Variants in NR5A2 observed in about 807,000 individuals in gnomAD.
NR5A2 encodes CYP7A promoter-binding factor.
A neutral mutation model predicts 62.7 loss-of-function variants in NR5A2; 26 were observed. The observed-to-expected ratio is 0.41, with a 90% CI of 0.30 to 0.58. The LOEUF (loss-of-function observed/expected upper bound fraction) is 0.58, where lower values mean the gene tolerates loss of function less well. Among genes scored for constraint, NR5A2 ranks in the 20% least tolerant of loss-of-function variants. The probability of loss-of-function intolerance (pLI) is 0.22; values close to 1 mark genes in which losing one functional copy is unlikely to be tolerated. For missense variants in NR5A2, 541 were observed against 669.1 expected (o/e 0.81, Z 2.11); for synonymous variants, 246 against 241.7 (o/e 1.02, Z -0.16).
At chr1:200,125,713 C>G (rs919524499) in intron 7 of NR5A2, among the ~76,000 whole-genome samples, 5 of 152,102 alleles carry the variant, frequency 3.3e-5, no homozygotes, top group African/African-American at 1.2e-4. Context: ...AAAAGGTCAT[C>G]TAAGCAAGTA....
chr1:200,148,889 G>C (rs1387935239), intron 7 of NR5A2, among the ~76,000 whole-genome samples: 1 of 146,078 alleles, frequency 6.8e-6, no homozygotes. Context: ...TCCTAGCCCA[G>C]TCTTTGGCAT....
At chr1:200,112,635 T>A (rs1011642642) in intron 6 of NR5A2, among the ~76,000 whole-genome samples, 4 of 152,224 alleles carry the variant, frequency 2.6e-5, no homozygotes, top group African/African-American at 9.6e-5. Context: ...TTCAAGCATC[T>A]CCATCACTAT....
intron 7 of NR5A2, among the ~76,000 whole-genome samples, chr1:200,122,268 A>G (rs959198513): frequency 6.6e-6 from 1 of 152,196 alleles, no homozygotes; most frequent in African/African-American, 2.4e-5. Context: ...GATAGCAAGC[A>G]TACGCCTGCT....
intron 5 of NR5A2, among the ~76,000 whole-genome samples, chr1:200,106,749 A>C (rs1268032290): frequency 2.6e-5 from 4 of 152,118 alleles, no homozygotes; most frequent in Non-Finnish European, 5.9e-5. Context: ...ACACCCCCAT[A>C]ACTCTGTTTT....
intron 1 of NR5A2, chr1:200,038,864 G>C: frequency 1.2e-6 from 1 of 805,506 alleles, no homozygotes; most frequent in Non-Finnish European, 1.7e-6. Context: ...GCAGGCCGGG[G>C]GACTGGAGCC....
chr1:200,173,943 T>C lies in NR5A2; in HGVS notation c.1379-20T>C. ...AATGCTATTGAAATGTTGCTTTTTT[T>C]TTTTTTTTTTTTAATGCAGATGTCA... On this transcript the variant is annotated intron_variant, in intron 7 of 7. Coordinates refer to ENST00000367362, the MANE Select transcript of NR5A2 (RefSeq NM_205860.3). 1 of 1,263,036 alleles carries C rather than the reference T, an allele frequency of 7.9e-7. No individual in the cohort carries two copies. Among genetic ancestry groups the C allele is most frequent in the Non-Finnish European group, 1.0e-6 (1 of 972,958 alleles). 78.2% of individuals were successfully genotyped at this position (1,263,036 alleles called of 1,614,324 possible).
chr1:200,122,569 A>G (rs1021067672), intron 7 of NR5A2, among the ~76,000 whole-genome samples: 6 of 152,280 alleles, frequency 3.9e-5, no homozygotes, highest in African/African-American at 1.4e-4. Flanking sequence ...TGCTAATACT[A>G]TAAGGAGGGG....
In NR5A2 at chr1:200,039,539, C is replaced by T; in HGVS notation, c.65-119C>T. Reference sequence around the variant, plus strand: ...ACCGGACAGGGCTCAGAGGTCCTGCCCGGCAGCCCCGAGGAGGCGGAGGCA... The same window carrying T: ...ACCGGACAGGGCTCAGAGGTCCTGCTCGGCAGCCCCGAGGAGGCGGAGGCA... On this transcript the variant is annotated intron_variant, in intron 1 of 7. Transcript: ENST00000367362. The surrounding 1 kb of genome is among the most constrained non-coding windows in gnomAD (Gnocchi z 5.1). The T allele has an allele frequency of 6.8e-7, 1 of 1,465,320 alleles. No individual in the cohort carries two copies. The highest frequency in any genetic ancestry group is 9.4e-7 in the Non-Finnish European group (1 of 1,069,000). 90.8% of individuals were successfully genotyped at this position (1,465,320 alleles called of 1,614,324 possible). A position where few individuals can be genotyped will look rare whatever the true frequency, so the allele number is the denominator to read the frequency against.
chr1:200,092,150 A>G (rs1219457660), intron 5 of NR5A2, among the ~76,000 whole-genome samples: 2 of 152,242 alleles, frequency 1.3e-5, no homozygotes, highest in African/African-American at 2.4e-5. Context: ...GCATAGACAC[A>G]TATTCAACAC....
At chr1:200,160,038 A>G (rs930664650) in intron 7 of NR5A2, among the ~76,000 whole-genome samples, 3 of 152,134 alleles carry the variant, frequency 2.0e-5, no homozygotes, top group African/African-American at 2.4e-5. Context: ...ACTGTCATCC[A>G]TGTCCCTTTT....
Position 200,064,320 on chromosome 1 carries a change from C to T in NR5A2, c.1110+15502C>T, listed in dbSNP as rs573281120. Among the ~76,000 whole-genome samples, 19 of 152,286 alleles carry T rather than the reference C, an allele frequency of 1.2e-4. No individual in the cohort carries two copies. In the East Asian group the frequency reaches 2.5e-3, roughly 20 times the overall value. Reference sequence around the variant, plus strand: ...CTTGGTTATGACAGCACACTAATAACCCCAGCCCTGTTTACACCAATGTTT... The same window carrying T: ...CTTGGTTATGACAGCACACTAATAATCCCAGCCCTGTTTACACCAATGTTT... On this transcript the variant is annotated intron_variant, in intron 5 of 7. Coordinates refer to ENST00000367362, the MANE Select transcript of NR5A2 (RefSeq NM_205860.3).
intron 6 of NR5A2, among the ~76,000 whole-genome samples, chr1:200,119,355 TAC>T (rs1666379753): frequency 6.6e-6 from 1 of 152,202 alleles, no homozygotes; most frequent in South Asian, 2.1e-4. Flanking sequence ...AAAAATTTAA[TAC>T]AGTCTGCTCT....
At chr1:200,116,337 G>A (rs540976332) in intron 6 of NR5A2, among the ~76,000 whole-genome samples, 8 of 152,254 alleles carry the variant, frequency 5.3e-5, no homozygotes, top group South Asian at 4.1e-4. Flanking sequence ...TGGTGAATTT[G>A]TCATAGCAGA....
chr1:200,068,648 A>T (rs1663607764), intron 5 of NR5A2, among the ~76,000 whole-genome samples: 1 of 152,152 alleles, frequency 6.6e-6, no homozygotes, highest in Admixed American at 6.6e-5. Context: ...ACATTTTACA[A>T]AAACATTAGA....
rs116654310 is a variant in NR5A2, at chr1:200,167,033, G to A, written c.1379-6930G>A. On this transcript the variant is annotated intron_variant, in intron 7 of 7. Transcript: ENST00000367362. ...CTAGGATAGAATCCTTTACAATTTA[G>A]CTTATCCTGAATCCCACTCCTAGGC... is the stretch of plus-strand genomic sequence containing the variant. 5.3e-3 allele frequency among the ~76,000 whole-genome samples: 805 copies of A among 152,076 alleles called. 8 individuals carry two copies. The highest frequency in any genetic ancestry group is 0.018 in the African/African-American group (766 of 41,472).
At chr1:200,160,076 C>G (rs2102378054) in intron 7 of NR5A2, among the ~76,000 whole-genome samples, 1 of 152,332 alleles carries the variant, frequency 6.6e-6, no homozygotes, top group East Asian at 1.9e-4. Context: ...GCTTGCTACC[C>G]TCTAAGACCT....
At chr1:200,173,813 G>T in intron 7 of NR5A2, 150 bp from the exon 8 acceptor site, 1 of 744,474 alleles carries the variant, frequency 1.3e-6, no homozygotes, top group Non-Finnish European at 1.9e-6. Flanking sequence ...CAGGAAGTTT[G>T]GTGAGTGGGG....
intron 5 of NR5A2, among the ~76,000 whole-genome samples, chr1:200,096,087 C>T (rs2821320): frequency 0.4 from 61,302 of 151,784 alleles, 13,373 homozygotes; most frequent in East Asian, 0.57. Context: ...CACAATGCTG[C>T]TTTATTTTGT....
rs193121543 is a variant in NR5A2, at chr1:200,175,634, A to T, written c.*1424A>T. The T allele has an allele frequency of 6.5e-6, 1 of 152,782 alleles. No individual in the cohort carries two copies. Among genetic ancestry groups the T allele is most frequent in the Non-Finnish European group, 1.5e-5 (1 of 68,032 alleles). The allele number at this position is 152,782 out of a possible 1,614,324, so 9.5% of individuals were successfully genotyped here. ...AAGTCAAATAAGATATAGTGTTTAC[A>T]TTCTTTAGGTCCTGAGGGGCAGGGG... On this transcript the variant is annotated 3_prime_UTR_variant, in exon 8 of 8. Transcript: ENST00000367362.
Sources: allele counts gnomAD v4.1 joint callset (sites outside exome capture counted in the v4.1 genomes callset), GRCh38; gene constraint gnomAD v4.1.1; non-coding constraint Gnocchi (gnomAD v3.1); transcripts MANE v1.5; gene names NCBI Gene and HGNC (gene_info 2026-07-23, HGNC 2026-07-21).